Variants in GALNTL6 observed in about 807,000 individuals in gnomAD.
GALNTL6 encodes polypeptide N-acetylgalactosaminyltransferase like 6, also known as polypeptide N-acetylgalactosaminyltransferase-like 6.
Under a neutral mutation model 73.7 loss-of-function variants are expected in GALNTL6, and 46 were observed. The ratio of observed to expected loss-of-function variants is 0.62; its 90% confidence interval spans 0.49 to 0.80. GALNTL6 has a LOEUF of 0.80. Among genes scored for constraint, GALNTL6 ranks in the 30% least tolerant of loss-of-function variants. The probability of loss-of-function intolerance (pLI) is 0.00; values close to 1 mark genes in which losing one functional copy is unlikely to be tolerated. For missense variants in GALNTL6, 604 were observed against 755.0 expected (o/e 0.80, Z 2.34); for synonymous variants, 259 against 263.7 (o/e 0.98, Z 0.17).
intron 4 of GALNTL6, among the ~76,000 whole-genome samples, chr4:172,323,284 CT>C (rs1421468471): frequency 2.6e-5 from 4 of 152,070 alleles, no homozygotes; most frequent in Non-Finnish European, 2.9e-5. Context: ...TTTTTCAGAC[CT>C]GTCAAAAGCA....
At chr4:172,451,116 G>A (rs539239800) in intron 5 of GALNTL6, among the ~76,000 whole-genome samples, 3 of 152,220 alleles carry the variant, frequency 2.0e-5, no homozygotes, top group African/African-American at 4.8e-5. Context: ...CTCTATTGAC[G>A]ATATTAAATT....
intron 2 of GALNTL6, among the ~76,000 whole-genome samples, chr4:172,221,509 T>G (rs1281028912): frequency 6.6e-6 from 1 of 151,812 alleles, no homozygotes; most frequent in Non-Finnish European, 1.5e-5. Flanking sequence ...TTATTTGCTT[T>G]TATGTTTCTA....
At chr4:172,278,410 T>A (rs1313094064) in intron 3 of GALNTL6, among the ~76,000 whole-genome samples, 1 of 152,184 alleles carries the variant, frequency 6.6e-6, no homozygotes, top group Non-Finnish European at 1.5e-5. Context: ...CTATCCTGTC[T>A]GATAATCTAT....
chr4:172,150,089 A>G (rs1415711886), intron 2 of GALNTL6, among the ~76,000 whole-genome samples: 1 of 152,134 alleles, frequency 6.6e-6, no homozygotes, highest in African/African-American at 2.4e-5. Flanking sequence ...CCCACCACCA[A>G]TACAAGCCCA....
At chr4:172,413,281 A>G (rs770172108) in intron 5 of GALNTL6, among the ~76,000 whole-genome samples, 29 of 152,228 alleles carry the variant, frequency 1.9e-4, no homozygotes, top group Non-Finnish European at 2.9e-4. Context: ...CCACAAGTAG[A>G]CACTCTATAA....
chr4:172,931,055 G>T (rs1334134499), intron 8 of GALNTL6, 106 bp from the exon 9 acceptor site: 1 of 709,544 alleles, frequency 1.4e-6, no homozygotes, highest in Non-Finnish European at 2.5e-6. Context: ...AGAAATTATT[G>T]ATTTAAAGAC....
intron 5 of GALNTL6, among the ~76,000 whole-genome samples, chr4:172,359,278 G>A (rs1451759640): frequency 6.6e-6 from 1 of 152,096 alleles, no homozygotes. Flanking sequence ...GACTAACATA[G>A]GAATAGAAAC....
chr4:172,740,119 G>A (rs953694061), intron 5 of GALNTL6, among the ~76,000 whole-genome samples: 8 of 151,916 alleles, frequency 5.3e-5, no homozygotes, highest in African/African-American at 1.2e-4. Flanking sequence ...TTCCTCCATC[G>A]TTCTCTCAAG....
At chr4:172,557,662 G>C (rs1177315168) in intron 5 of GALNTL6, among the ~76,000 whole-genome samples, 1 of 152,142 alleles carries the variant, frequency 6.6e-6, no homozygotes, top group Non-Finnish European at 1.5e-5. Context: ...TAGTCGTCAT[G>C]AAATGGGAAA....
chr4:172,677,026 T>A (rs1377510190), intron 5 of GALNTL6, among the ~76,000 whole-genome samples: 1 of 152,216 alleles, frequency 6.6e-6, no homozygotes, highest in African/African-American at 2.4e-5. Flanking sequence ...AAGCTTTGGT[T>A]AGGCTCACAG....
intron 2 of GALNTL6, among the ~76,000 whole-genome samples, chr4:171,980,841 A>G (rs2111079345): frequency 6.6e-6 from 1 of 152,370 alleles, no homozygotes; most frequent in East Asian, 1.9e-4. Flanking sequence ...TTTCATTAAA[A>G]TGAAATATTC....
intron 4 of GALNTL6, among the ~76,000 whole-genome samples, chr4:172,339,261 A>ACACACACT (rs1344728714): frequency 3.2e-4 from 7 of 21,982 alleles, no homozygotes; most frequent in Non-Finnish European, 9.6e-4. Context: ...CACACACCAC[A>ACACACACT]CACACACACA....
intron 11 of GALNTL6, among the ~76,000 whole-genome samples, chr4:173,017,235 A>G (rs942737446): frequency 3.9e-5 from 6 of 152,220 alleles, no homozygotes; most frequent in Non-Finnish European, 5.9e-5. Context: ...TTAAAGGATC[A>G]TTCAAAAGAA....
At chr4:172,219,119 TA>T (rs60511127) in intron 2 of GALNTL6, among the ~76,000 whole-genome samples, 4 of 144,766 alleles carry the variant, frequency 2.8e-5, no homozygotes, top group African/African-American at 5.1e-5. Flanking sequence ...AAATATATGT[TA>T]AAAAAAAGCC....
At position 172,952,239 on chromosome 4, in the gene GALNTL6, C is replaced by T. The variant is rs377199176; in HGVS notation, c.1352C>T (p.Pro451Leu). 72 of 1,613,784 alleles carry T rather than the reference C, an allele frequency of 4.5e-5. 1 individual carries two copies. The highest frequency in any genetic ancestry group is 2.0e-4 in the South Asian group (18 of 91,060). Residue 451 changes from proline to leucine, a missense_variant, in exon 10 of 13, where the codon CCG (proline) becomes CTG (leucine). By Grantham distance (98) the Pro-to-Leu change is moderately conservative. This residue lies in a region of GALNTL6 where 261 missense variants were observed against 296.5 expected (regional missense o/e 0.88). Coordinates refer to ENST00000506823, the MANE Select transcript of GALNTL6 (RefSeq NM_001034845.3). The part of the protein sequence containing the change: ...VPKYYPPVEP[P>L]PAAWGEIRNV... ...AAATACTACCCTCCAGTGGAGCCCC[C>T]GCCTGCTGCCTGGGGGGAGGTGAGG...
chr4:172,854,222 C>T (rs1744000087), intron 7 of GALNTL6, among the ~76,000 whole-genome samples: 1 of 152,156 alleles, frequency 6.6e-6, no homozygotes. Context: ...CACTTTGGCC[C>T]ATATCCTACT....
At chr4:172,903,090 A>G (rs759056128) in intron 8 of GALNTL6, among the ~76,000 whole-genome samples, 1 of 152,156 alleles carries the variant, frequency 6.6e-6, no homozygotes, top group Non-Finnish European at 1.5e-5. Context: ...TAATCTACCC[A>G]ACATTTCATT....
At chr4:172,398,353 A>C (rs1030907118) in intron 5 of GALNTL6, among the ~76,000 whole-genome samples, 1 of 152,224 alleles carries the variant, frequency 6.6e-6, no homozygotes, top group Non-Finnish European at 1.5e-5. Context: ...TTTCATTAAT[A>C]AAATGAACAT....
At chr4:172,309,678 G>A (rs920717473) in intron 3 of GALNTL6, among the ~76,000 whole-genome samples, 1 of 151,874 alleles carries the variant, frequency 6.6e-6, no homozygotes, top group Non-Finnish European at 1.5e-5. Context: ...GAAGAAAGAG[G>A]AGGCAAAAAT....
Sources: allele counts gnomAD v4.1 joint callset (sites outside exome capture counted in the v4.1 genomes callset), GRCh38; gene constraint gnomAD v4.1.1; regional missense constraint gnomAD v4.1.1; transcripts MANE v1.5; gene names NCBI Gene and HGNC (gene_info 2026-07-23, HGNC 2026-07-21).